OTUD7A: variants seen among roughly 807,000 people sequenced by gnomAD.
The protein encoded by OTUD7A is OTU deubiquitinase 7A.
Under a neutral mutation model 65.7 loss-of-function variants are expected in OTUD7A, and 12 were observed. That is an observed-to-expected ratio of 0.18 (90% confidence interval 0.12 to 0.30). The LOEUF (loss-of-function observed/expected upper bound fraction) is 0.30. Ranked by LOEUF, OTUD7A falls within the 10% of genes least tolerant of loss-of-function variation. The pLI is 1.00. For missense variants in OTUD7A, 1,148 were observed against 1,304.8 expected (o/e 0.88, Z 1.85); for synonymous variants, 641 against 586.3 (o/e 1.09, Z -1.35).
intron 1 of OTUD7A, among the ~76,000 whole-genome samples, chr15:31,762,961 CT>C (rs1422231505): frequency 6.6e-6 from 1 of 152,002 alleles, no homozygotes; most frequent in Non-Finnish European, 1.5e-5. Context: ...AATAACCATG[CT>C]CCAAGACGTA....
intron 3 of OTUD7A, among the ~76,000 whole-genome samples, chr15:31,573,252 A>G (rs778280674): frequency 5.2e-4 from 79 of 152,244 alleles, no homozygotes; most frequent in Non-Finnish European, 9.6e-4. Context: ...AGAAAGCTTT[A>G]TGCCCATCCA....
chr15:31,720,119 T>C (rs1893693358), intron 1 of OTUD7A, among the ~76,000 whole-genome samples: 1 of 151,940 alleles, frequency 6.6e-6, no homozygotes. Flanking sequence ...TAATGGAGAA[T>C]TAATTGAAAC....
intron 1 of OTUD7A, among the ~76,000 whole-genome samples, chr15:31,801,042 T>A (rs1278452551): frequency 3.0e-5 from 4 of 134,156 alleles, no homozygotes; most frequent in Non-Finnish European, 4.6e-5. Context: ...TAGAGCATTA[T>A]CCAGCAGCCT....
intron 3 of OTUD7A, among the ~76,000 whole-genome samples, chr15:31,652,648 T>G (rs1405184193): frequency 2.0e-5 from 3 of 152,020 alleles, no homozygotes; most frequent in Non-Finnish European, 2.9e-5. Flanking sequence ...ACAACTCAAT[T>G]TAGACATAGG....
intron 3 of OTUD7A, among the ~76,000 whole-genome samples, chr15:31,605,004 G>C (rs1890196470): frequency 1.3e-5 from 2 of 152,242 alleles, no homozygotes; most frequent in South Asian, 4.1e-4. Context: ...GCGGAACAAA[G>C]GCTCTGCTCT....
intron 1 of OTUD7A, among the ~76,000 whole-genome samples, chr15:31,691,418 C>T (rs1227956376): frequency 2.0e-5 from 3 of 152,146 alleles, no homozygotes; most frequent in Non-Finnish European, 4.4e-5. Flanking sequence ...AACAGAGAAC[C>T]CACAAATAAA....
chr15:31,648,583 G>A (rs1166081560), intron 3 of OTUD7A, among the ~76,000 whole-genome samples: 5 of 152,122 alleles, frequency 3.3e-5, no homozygotes, highest in African/African-American at 9.7e-5. Flanking sequence ...CAAATTTGCA[G>A]ACAAAGCTTC....
At chr15:31,648,813 T>C (rs1891752667) in intron 3 of OTUD7A, among the ~76,000 whole-genome samples, 1 of 152,044 alleles carries the variant, frequency 6.6e-6, no homozygotes, top group Non-Finnish European at 1.5e-5. Flanking sequence ...CAGGCTGGAG[T>C]GTAATGGTGC....
At chr15:31,744,470 T>C (rs977719023) in intron 1 of OTUD7A, among the ~76,000 whole-genome samples, 5 of 152,106 alleles carry the variant, frequency 3.3e-5, no homozygotes, top group Admixed American at 6.5e-5. Flanking sequence ...TTTACTATAT[T>C]AACTAAAAAA....
At chr15:31,526,123 T>C (rs958358729) in intron 8 of OTUD7A, among the ~76,000 whole-genome samples, 2 of 152,206 alleles carry the variant, frequency 1.3e-5, no homozygotes, top group African/African-American at 4.8e-5. Flanking sequence ...GCATAGTGCA[T>C]GTGGGGGCTG....
At chr15:31,742,861 G>A (rs1252646830) in intron 1 of OTUD7A, among the ~76,000 whole-genome samples, 2 of 151,952 alleles carry the variant, frequency 1.3e-5, no homozygotes, top group Admixed American at 6.6e-5. Flanking sequence ...CAAGAAAAAA[G>A]TATTACCAGA....
chr15:31,814,554 C>T (rs1309373492), intron 1 of OTUD7A, among the ~76,000 whole-genome samples: 4 of 150,282 alleles, frequency 2.7e-5, no homozygotes, highest in Admixed American at 1.3e-4. Flanking sequence ...GACAGAGTCT[C>T]GCTTTGTTGC....
At chr15:31,595,219 T>C (rs1031088758) in intron 3 of OTUD7A, among the ~76,000 whole-genome samples, 2 of 152,188 alleles carry the variant, frequency 1.3e-5, no homozygotes, top group African/African-American at 2.4e-5. Context: ...CATGGGGCCA[T>C]GGTAAGGACG....
intron 1 of OTUD7A, among the ~76,000 whole-genome samples, chr15:31,733,842 G>A (rs889013286): frequency 2.4e-4 from 37 of 152,262 alleles, no homozygotes; most frequent in Admixed American, 6.5e-4. Context: ...AGAGAAAGAG[G>A]AGACCCAACC....
chr15:31,619,049 T>C (rs1439586417), intron 3 of OTUD7A, among the ~76,000 whole-genome samples: 1 of 152,228 alleles, frequency 6.6e-6, no homozygotes, highest in East Asian at 1.9e-4. Flanking sequence ...CCCCATTTCT[T>C]GTTTTTGTCA....
rs1337815936 is a variant in OTUD7A at position 31,475,755 on chromosome 15, G to C, written c.*7539C>G. 1.3e-5 allele frequency: 2 copies of C among 152,196 alleles called. No homozygotes were observed. Among genetic ancestry groups the C allele is most frequent in the African/African-American group, 4.8e-5 (2 of 41,442 alleles). 9.4% of individuals were successfully genotyped at this position (152,196 alleles called of 1,614,324 possible). A position where few individuals can be genotyped will look rare whatever the true frequency, so the allele number is the denominator to read the frequency against. ...GGAATTAACACCTGCAGGTAGAAAG[G>C]GGTTCTGCACAACTGGGTCAAAGTA... On this transcript the variant is annotated 3_prime_UTR_variant, in exon 13 of 13. Coordinates refer to ENST00000307050, the MANE Select transcript of OTUD7A (RefSeq NM_001382637.1).
chr15:31,720,567 A>AT, intron 1 of OTUD7A, among the ~76,000 whole-genome samples: 1 of 151,790 alleles, frequency 6.6e-6, no homozygotes, highest in African/African-American at 2.4e-5. Flanking sequence ...CGCCCGGCTA[A>AT]TTTTTTGTAT....
intron 1 of OTUD7A, among the ~76,000 whole-genome samples, chr15:31,771,234 T>A (rs1895226294): frequency 6.6e-6 from 1 of 152,214 alleles, no homozygotes; most frequent in South Asian, 2.1e-4. Flanking sequence ...AGAAGAATGT[T>A]TCTGTTCAGC....
chr15:31,609,263 A>G (rs34326912), intron 3 of OTUD7A, among the ~76,000 whole-genome samples: 1,847 of 152,346 alleles, frequency 0.012, 14 homozygotes, highest in Non-Finnish European at 0.019. Context: ...TGTAGCCTCC[A>G]CAGGATGGGG....
Sources: allele counts gnomAD v4.1 joint callset (sites outside exome capture counted in the v4.1 genomes callset), GRCh38; gene constraint gnomAD v4.1.1; transcripts MANE v1.5; gene names NCBI Gene and HGNC (gene_info 2026-07-23, HGNC 2026-07-21).